The following LRRK1 variants were observed in gnomAD, a reference collection of about 807,000 sequenced individuals.
LRRK1 encodes leucine rich repeat kinase 1, also known as leucine-rich repeat serine/threonine-protein kinase 1.
LRRK1 carries 113 observed loss-of-function variants against 209.1 expected under a neutral mutation model. The ratio of observed to expected loss-of-function variants is 0.54; its 90% confidence interval spans 0.46 to 0.63. LRRK1 has a LOEUF of 0.63. LRRK1 is among the 30% of genes least tolerant of loss of function. The pLI is 0.00. For synonymous variants in LRRK1, 1,144 were observed against 1,099.7 expected (o/e 1.04, Z -0.80); for missense variants, 2,284 against 2,632.2 (o/e 0.87, Z 2.89).
chr15:100,973,848 C>G lies in LRRK1; in HGVS notation c.142C>G (p.Pro48Ala). 2.3e-6 allele frequency: 3 copies of G among 1,292,104 alleles called. No individual in the cohort carries two copies. Among genetic ancestry groups the G allele is most frequent in the Non-Finnish European group, 3.0e-6 (3 of 1,016,044 alleles). The allele number at this position is 1,292,104 out of a possible 1,614,324, so 80.0% of individuals were successfully genotyped here. Residue 48 changes from proline (P) to alanine (A), a missense_variant, in exon 3 of 34, where the codon CCT (proline) becomes GCT (alanine). Physicochemically the swap from Pro to Ala is conservative, Grantham distance 27. Around this residue, in one of 6 missense-constraint regions of LRRK1, gnomAD observed 174 missense variants for 133.5 expected, o/e 1.30. Transcript: ENST00000388948. ...CAAGCCGTCCACGCGGGGCGGTGAC[C>G]CTGCAGCGCGGTCCCGCAGGACGGA... ...GGKPSTRGGD[P>A]AARSRRTEGI...
chr15:100,968,066 G>A (rs375246686), intron 2 of LRRK1, among the ~76,000 whole-genome samples: 3 of 152,230 alleles, frequency 2.0e-5, no homozygotes, highest in Admixed American at 1.3e-4. Context: ...ATATGGCCAC[G>A]ATCCACCCTT....
intron 2 of LRRK1, among the ~76,000 whole-genome samples, chr15:100,933,088 T>C (rs2042238869): frequency 6.6e-6 from 1 of 152,196 alleles, no homozygotes; most frequent in Admixed American, 6.5e-5. Context: ...AAGAAAGGCC[T>C]CCTGGGAGGC....
intron 23 of LRRK1, among the ~76,000 whole-genome samples, chr15:101,050,338 T>C (rs12915904): frequency 6.6e-6 from 1 of 151,994 alleles, no homozygotes; most frequent in Non-Finnish European, 1.5e-5. Flanking sequence ...AAAAGTACTC[T>C]TTGAGTGAAG....
At chr15:100,979,016 T>C (rs575795071) in intron 3 of LRRK1, among the ~76,000 whole-genome samples, 1 of 152,320 alleles carries the variant, frequency 6.6e-6, no homozygotes, top group South Asian at 2.1e-4. Context: ...AGTACAATTC[T>C]GCTATATGTA....
At chr15:100,987,735 C>T (rs972470616) in intron 4 of LRRK1, among the ~76,000 whole-genome samples, 33 of 152,132 alleles carry the variant, frequency 2.2e-4, no homozygotes, top group Middle Eastern at 3.4e-3. Flanking sequence ...ATTATTATTC[C>T]GATTTTACCA....
intron 2 of LRRK1, among the ~76,000 whole-genome samples, chr15:100,937,909 G>T (rs2042332066): frequency 6.6e-6 from 1 of 152,022 alleles, no homozygotes; most frequent in East Asian, 1.9e-4. Context: ...GGAGTGCAGT[G>T]GCGACCTCTC....
chr15:100,974,333 A>G (rs2031166339), intron 3 of LRRK1, among the ~76,000 whole-genome samples: 1 of 152,262 alleles, frequency 6.6e-6, no homozygotes, highest in Non-Finnish European at 1.5e-5. Context: ...ATGTCAAAGT[A>G]GGAAAAATGG....
At position 101,062,638 on chromosome 15, in the gene LRRK1, T is replaced by C; in HGVS notation, c.4862T>C (p.Leu1621Ser). ...CCCTTAAACACACCCCAACAGGCCT[T>C]GGATACTCCAGCTGTCGTCACCTGC... Reference protein sequence around the residue: ...MCPLNTPQQALDTPAVVTCFL... With the variant: ...MCPLNTPQQASDTPAVVTCFL... Residue 1621 changes from leucine to serine, a missense_variant, in exon 31 of 34, where the codon TTG (leucine) becomes TCG (serine). By Grantham distance (145) the Leu-to-Ser change is moderately radical (BLOSUM62 -2). Coordinates refer to ENST00000388948, the MANE Select transcript of LRRK1 (RefSeq NM_024652.6). 1 of 1,614,132 alleles carries C rather than the reference T, an allele frequency of 6.2e-7. No individual in the cohort carries two copies. Among genetic ancestry groups the C allele is most frequent in the Non-Finnish European group, 8.5e-7 (1 of 1,179,966 alleles).
intron 2 of LRRK1, among the ~76,000 whole-genome samples, chr15:100,948,408 T>G (rs1296210142): frequency 2.6e-5 from 4 of 152,212 alleles, no homozygotes; most frequent in Non-Finnish European, 5.9e-5. Context: ...AGGGATGTAG[T>G]TTTGCTAAGT....
intron 20 of LRRK1, among the ~76,000 whole-genome samples, chr15:101,036,319 C>T (rs2034492113): frequency 6.6e-6 from 1 of 152,030 alleles, no homozygotes; most frequent in Admixed American, 6.6e-5. Context: ...TTGTCTAACT[C>T]TGTTTTTTTC....
chr15:100,958,432 C>T (rs2042810154), intron 2 of LRRK1, among the ~76,000 whole-genome samples: 1 of 152,182 alleles, frequency 6.6e-6, no homozygotes, highest in South Asian at 2.1e-4. Flanking sequence ...ACCTCTGCTC[C>T]CCAGCAAGCC....
chr15:101,021,092 T>C lies in LRRK1; in HGVS notation c.1649T>C (p.Leu550Ser). 1 of 1,614,148 alleles carries C rather than the reference T, an allele frequency of 6.2e-7. No individual in the cohort carries two copies. The highest frequency in any genetic ancestry group is 8.5e-7 in the Non-Finnish European group (1 of 1,179,966). ...LEFPAFLSESLEVLCLNDNHL... is the reference protein window; with the variant it reads ...LEFPAFLSESSEVLCLNDNHL... ...TTTCCGGCCTTCCTAAGTGAGTCTT[T>C]GGAAGTCCTTTGCCTGAACGACAAC... The change falls in exon 13 of 34, where the codon TTG becomes TCG. Residue 550 changes from leucine to serine, a missense_variant. By Grantham distance (145) the Leu-to-Ser change is moderately radical. Around this residue, in one of 6 missense-constraint regions of LRRK1, gnomAD observed 494 missense variants for 522.1 expected, o/e 0.95. Transcript: ENST00000388948.
chr15:100,963,493 G>A lies in LRRK1; in HGVS notation c.98-10311G>A, dbSNP rs376798229. Among the ~76,000 whole-genome samples the A allele has an allele frequency of 1.6e-4, 25 of 152,310 alleles. 2 individuals are homozygous for A. The highest frequency in any genetic ancestry group is 7.8e-4 in the Admixed American group (12 of 15,304). ...AGCGCTGCTGTAGACGTTAAGTGAC[G>A]TGAGTCCAGTCCCCAGGCCTGTGCT... is the stretch of plus-strand genomic sequence containing the variant. On this transcript the variant is annotated intron_variant, in intron 2 of 33. Transcript: ENST00000388948.
At chr15:100,934,856 A>T (rs1049384274) in intron 2 of LRRK1, among the ~76,000 whole-genome samples, 1 of 151,836 alleles carries the variant, frequency 6.6e-6, no homozygotes, top group Non-Finnish European at 1.5e-5. Flanking sequence ...GTGATGCTCA[A>T]TGAAGCATTA....
chr15:100,959,216 C>T (rs11247246), intron 2 of LRRK1, among the ~76,000 whole-genome samples: 105,762 of 152,018 alleles, frequency 0.7, 37,171 homozygotes, highest in Middle Eastern at 0.76. Context: ...TAGACGACCC[C>T]CTTACTAATA....
intron 20 of LRRK1, among the ~76,000 whole-genome samples, chr15:101,038,566 G>C (rs2034594679): frequency 6.6e-6 from 1 of 152,000 alleles, no homozygotes; most frequent in African/African-American, 2.4e-5. Context: ...TCGACCACTG[G>C]GGATCTCTCA....
chr15:100,988,614 GTCCTGCCATC>G lies in LRRK1; in HGVS notation c.434-11_434-2del. The G allele has an allele frequency of 6.2e-7, 1 of 1,613,674 alleles. No individual in the cohort carries two copies. The highest frequency in any genetic ancestry group is 1.1e-5 in the South Asian group (1 of 91,078). On this transcript the variant is annotated splice_polypyrimidine_tract_variant and intron_variant, in intron 4 of 33. Transcript: ENST00000388948. ...CACCCTTCAGTGGCACTTTCCCTTT[GTCCTGCCATC>G]TCCTGCCAGGTCCCTGCAGTCCCCA... is the stretch of plus-strand genomic sequence containing the variant.
At position 101,038,155 on chromosome 15, in the gene LRRK1, T is replaced by A. The variant is rs977116399; in HGVS notation, c.2964-7826T>A. ...AACATCATATGTTCCAAATTATAAT[T>A]GGGAGTTAAGCTATGAGAATGCAAA... On this transcript the variant is annotated intron_variant, in intron 20 of 33. Transcript: ENST00000388948. Among the ~76,000 whole-genome samples the A allele has an allele frequency of 5.3e-5, 8 of 152,094 alleles. No individual in the cohort carries two copies. In the East Asian group the frequency reaches 1.5e-3, roughly 29 times the overall value.
intron 33 of LRRK1, chr15:101,067,467 T>TGTG: frequency 7.2e-6 from 2 of 278,034 alleles, no homozygotes; most frequent in African/African-American, 2.3e-5. Flanking sequence ...GTGTGTGTAC[T>TGTG]TTGGAGCTCT....
Sources: gnomAD v4.1 joint callset for allele counts (sites outside exome capture counted in the v4.1 genomes callset) on GRCh38, gnomAD v4.1.1 for gene constraint, gnomAD v4.1.1 regional missense constraint, MANE v1.5 for transcripts, NCBI Gene and HGNC (gene_info 2026-07-23, HGNC 2026-07-21) for gene names.